TLL1: variants seen among roughly 807,000 people sequenced by gnomAD.
TLL1 encodes the protein tolloid-like protein 1.
TLL1 carries 49 observed loss-of-function variants against 128.2 expected under a neutral mutation model. The observed-to-expected ratio is 0.38, with a 90% confidence interval of 0.30 to 0.48. The LOEUF (loss-of-function observed/expected upper bound fraction) is 0.48, where lower values mean the gene tolerates loss of function less well. Among genes scored for constraint, TLL1 ranks in the 20% least tolerant of loss-of-function variants. The pLI is 0.96. For missense variants in TLL1, 1,123 were observed against 1,242.0 expected (o/e 0.90, Z 1.44); for synonymous variants, 454 against 418.8 (o/e 1.08, Z -1.03).
At chr4:165,956,526 A>G (rs904088106) in intron 1 of TLL1, among the ~76,000 whole-genome samples, 13 of 149,278 alleles carry the variant, frequency 8.7e-5, no homozygotes, top group African/African-American at 3.1e-4. Context: ...TCTCTGCAAG[A>G]AGAAAAGTGA....
chr4:165,977,410 G>A (rs1167429240), intron 1 of TLL1, among the ~76,000 whole-genome samples: 1 of 152,156 alleles, frequency 6.6e-6, no homozygotes, highest in Non-Finnish European at 1.5e-5. Context: ...ATGATTGTAA[G>A]TTTCCTGAGG....
At chr4:166,023,296 A>C (rs1216382930) in intron 8 of TLL1, among the ~76,000 whole-genome samples, 1 of 152,154 alleles carries the variant, frequency 6.6e-6, no homozygotes, top group African/African-American at 2.4e-5. Flanking sequence ...GCTATTCGTG[A>C]GACTGAGGCA....
intron 12 of TLL1, among the ~76,000 whole-genome samples, chr4:166,048,212 G>T (rs999332820): frequency 2.0e-5 from 3 of 147,862 alleles, no homozygotes; most frequent in Non-Finnish European, 4.4e-5. Context: ...CTCTAGCCTG[G>T]GCAACAAGAG....
At chr4:165,975,770 G>C (rs1263048645) in intron 1 of TLL1, among the ~76,000 whole-genome samples, 6 of 152,074 alleles carry the variant, frequency 3.9e-5, no homozygotes, top group African/African-American at 1.4e-4. Flanking sequence ...AGGCATGGTG[G>C]ATCATGCCTG....
intron 19 of TLL1, among the ~76,000 whole-genome samples, chr4:166,096,415 T>C (rs909237611): frequency 1.3e-5 from 2 of 151,668 alleles, no homozygotes; most frequent in African/African-American, 4.9e-5. Flanking sequence ...GCCATTTTTC[T>C]AGAAGTGTTT....
intron 1 of TLL1, among the ~76,000 whole-genome samples, chr4:165,891,361 AG>A (rs2110831783): frequency 6.6e-6 from 1 of 152,248 alleles, no homozygotes; most frequent in East Asian, 1.9e-4. Flanking sequence ...TATCATCATC[AG>A]GCTATAAATT....
At chr4:165,912,724 C>A (rs984703229) in intron 1 of TLL1, among the ~76,000 whole-genome samples, 9 of 152,136 alleles carry the variant, frequency 5.9e-5, no homozygotes, top group Non-Finnish European at 1.3e-4. Flanking sequence ...ATCGTTCTGT[C>A]AGGGTATCTT....
intron 12 of TLL1, among the ~76,000 whole-genome samples, chr4:166,044,779 C>CTG (rs201944223): frequency 0.015 from 2,289 of 152,132 alleles, 57 homozygotes; most frequent in African/African-American, 0.05. Context: ...TCTGTGTTTG[C>CTG]TGTTTTGTGA....
chr4:166,049,338 G>A (rs1739608623), intron 12 of TLL1, among the ~76,000 whole-genome samples: 3 of 152,094 alleles, frequency 2.0e-5, no homozygotes, highest in South Asian at 4.1e-4. Context: ...TAATATTACG[G>A]CATTCAAATC....
chr4:165,985,689 A>G (rs1196281129), intron 1 of TLL1, among the ~76,000 whole-genome samples: 3 of 152,056 alleles, frequency 2.0e-5, no homozygotes, highest in Non-Finnish European at 4.4e-5. Flanking sequence ...CTAGGGAATC[A>G]CAATCTTGAA....
intron 1 of TLL1, among the ~76,000 whole-genome samples, chr4:165,888,508 A>G (rs1034079038): frequency 1.3e-4 from 20 of 148,692 alleles, no homozygotes; most frequent in African/African-American, 4.7e-4. Flanking sequence ...TCCTCATTCT[A>G]CTCTTCCTGT....
In TLL1 at chr4:166,057,183, G is replaced by C; in HGVS notation, c.1721-1G>C. Reference sequence around the variant, plus strand: ...TTCTATAACTATGACCATTTTCATAGAGGAAGATGAGTGTGCCAAACCTGA... The same window carrying C: ...TTCTATAACTATGACCATTTTCATACAGGAAGATGAGTGTGCCAAACCTGA... On this transcript the variant is annotated splice_acceptor_variant, in intron 13 of 20. Transcript: ENST00000061240. LOFTEE classifies it high-confidence loss of function. 1 of 1,613,702 alleles carries C rather than the reference G, an allele frequency of 6.2e-7. No individual in the cohort carries two copies. The highest frequency in any genetic ancestry group is 8.5e-7 in the Non-Finnish European group (1 of 1,179,848).
At chr4:165,888,978 C>T (rs1357400111) in intron 1 of TLL1, among the ~76,000 whole-genome samples, 2 of 152,150 alleles carry the variant, frequency 1.3e-5, no homozygotes, top group Non-Finnish European at 2.9e-5. Context: ...TGGTTTTAGT[C>T]CTCTGCTTAT....
Position 166,011,137 on chromosome 4 carries a change from T to A in TLL1, c.917+3089T>A, listed in dbSNP as rs1288542651. On this transcript the variant is annotated intron_variant, in intron 7 of 20. Coordinates refer to ENST00000061240, the MANE Select transcript of TLL1 (RefSeq NM_012464.5). Reference sequence around the variant, plus strand: ...TCTTTTTCAAAACTGTTTTAGCTATTTGGTGTATCTTGAGATCATATAGGA... The same window carrying A: ...TCTTTTTCAAAACTGTTTTAGCTATATGGTGTATCTTGAGATCATATAGGA... Among the ~76,000 whole-genome samples, 7 of 151,448 alleles carry A rather than the reference T, an allele frequency of 4.6e-5. No individual in the cohort carries two copies. The Admixed American group carries it at 4.6e-4, about 10-fold the overall frequency.
chr4:166,045,612 G>A (rs900513728), intron 12 of TLL1, among the ~76,000 whole-genome samples: 2 of 152,078 alleles, frequency 1.3e-5, no homozygotes, highest in African/African-American at 4.8e-5. Context: ...GTTAGATTAT[G>A]ACACTGCGCT....
At chr4:166,029,463 A>T (rs1015851594) in intron 9 of TLL1, among the ~76,000 whole-genome samples, 2 of 152,000 alleles carry the variant, frequency 1.3e-5, no homozygotes, top group South Asian at 2.1e-4. Flanking sequence ...AAATGCTACC[A>T]TGGATTTTTG....
At chr4:165,923,577 G>A (rs1733143468) in intron 1 of TLL1, among the ~76,000 whole-genome samples, 1 of 151,422 alleles carries the variant, frequency 6.6e-6, no homozygotes, top group African/African-American at 2.4e-5. Context: ...GGGACTACAG[G>A]CACCCACCAC....
At chr4:166,041,393 C>G (rs780380615) in intron 10 of TLL1, among the ~76,000 whole-genome samples, 1 of 151,130 alleles carries the variant, frequency 6.6e-6, no homozygotes, top group Admixed American at 6.6e-5. Context: ...CTCTGCCTCT[C>G]GGACTCAAGC....
chr4:165,878,670 C>T (rs952167373), intron 1 of TLL1, among the ~76,000 whole-genome samples: 1 of 151,986 alleles, frequency 6.6e-6, no homozygotes, highest in African/African-American at 2.4e-5. Context: ...TCCTGAGAGC[C>T]TCCCACGTTT....
Sources: gnomAD v4.1 joint callset for allele counts (sites outside exome capture counted in the v4.1 genomes callset) on GRCh38, gnomAD v4.1.1 for gene constraint, MANE v1.5 for transcripts, NCBI Gene and HGNC (gene_info 2026-07-23, HGNC 2026-07-21) for gene names.